Variants in TTLL6 observed in about 807,000 individuals in gnomAD.
TTLL6 encodes the protein tubulin polyglutamylase TTLL6.
In TTLL6, 75 loss-of-function variants were observed where a neutral mutation model predicts 96.4. That is an observed-to-expected ratio of 0.78 (90% confidence interval 0.65 to 0.94). The LOEUF is 0.94. TTLL6 is among the 40% of genes least tolerant of loss of function. TTLL6 has a pLI of 0.00. For synonymous variants in TTLL6, 411 were observed against 419.4 expected (o/e 0.98, Z 0.24); for missense variants, 1,030 against 1,093.0 (o/e 0.94, Z 0.81).
At chr17:48,802,021 G>A (rs1488634710) in intron 3 of TTLL6, among the ~76,000 whole-genome samples, 1 of 148,618 alleles carries the variant, frequency 6.7e-6, no homozygotes, top group Non-Finnish European at 1.5e-5. Flanking sequence ...CTTGAGCCTG[G>A]GCAACAGGAG....
intron 1 of TTLL6, among the ~76,000 whole-genome samples, chr17:48,810,835 A>AG (rs879475800): frequency 0.016 from 1,776 of 112,314 alleles, 72 homozygotes; most frequent in East Asian, 0.12. Context: ...GTATATATAT[A>AG]TATATATATA....
chr17:48,795,329 G>C (rs543803915), intron 8 of TTLL6, among the ~76,000 whole-genome samples: 1 of 73,416 alleles, frequency 1.4e-5, no homozygotes, highest in Non-Finnish European at 3.0e-5. Flanking sequence ...AGTCTCAAAA[G>C]AAAAAAAAAA....
intron 8 of TTLL6, 107 bp downstream of exon 8, chr17:48,795,954 A>T: frequency 1.2e-6 from 1 of 865,538 alleles, no homozygotes. Flanking sequence ...AGACCATGTG[A>T]CCCAAGATGG....
At chr17:48,803,495 CA>C (rs34003967) in intron 3 of TTLL6, among the ~76,000 whole-genome samples, 93 of 137,614 alleles carry the variant, frequency 6.8e-4, no homozygotes, top group African/African-American at 1.4e-3. Context: ...AAAAAAAAAA[CA>C]AAAAAAAAAA....
At chr17:48,806,580 T>G (rs750839747) in intron 1 of TTLL6, among the ~76,000 whole-genome samples, 47 of 151,938 alleles carry the variant, frequency 3.1e-4, no homozygotes, top group Non-Finnish European at 5.0e-4. Flanking sequence ...TTCTTTGGAT[T>G]TAAAAAAAGA....
chr17:48,791,654 C>T lies in TTLL6; in HGVS notation c.999-51G>A, dbSNP rs755063969. The T allele has an allele frequency of 6.1e-6, 9 of 1,481,632 alleles. No individual in the cohort carries two copies. In the Admixed American group the frequency reaches 1.5e-4, roughly 25 times the overall value. 91.8% of individuals were successfully genotyped at this position (1,481,632 alleles called of 1,614,324 possible). ...GCAGTGTAGCTGGCTTCTGGTCACCCGAGGCCATGGCATGCTGGAAACCAG... is the reference window on the plus strand; with the variant it reads ...GCAGTGTAGCTGGCTTCTGGTCACCTGAGGCCATGGCATGCTGGAAACCAG... On this transcript the variant is annotated intron_variant, in intron 8 of 15. Transcript: ENST00000393382.
chr17:48,769,874 C>G lies in TTLL6; in HGVS notation c.2264G>C (p.Ser755Thr). ...LPTKSKSFWE[S>T]PNTNWTLLKS... ...TAGCAAAGTCCAGTTTGTGTTCGGA[C>G]TCTCCCAGAAGCTCTTGGATTTTGT... is the stretch of plus-strand genomic sequence containing the variant. Residue 755 changes from serine to threonine, a missense_variant, in exon 14 of 16, where the codon AGT becomes ACT. Transcript: ENST00000393382. 1 of 1,614,240 alleles carries G rather than the reference C, an allele frequency of 6.2e-7. No individual in the cohort carries two copies. Among genetic ancestry groups the G allele is most frequent in the Non-Finnish European group, 8.5e-7 (1 of 1,180,048 alleles).
intron 13 of TTLL6, among the ~76,000 whole-genome samples, chr17:48,775,455 G>GA (rs2038850491): frequency 6.6e-6 from 1 of 151,144 alleles, no homozygotes; most frequent in Non-Finnish European, 1.5e-5. Context: ...GCAGTCTAAA[G>GA]AAAAAAATCC....
intron 13 of TTLL6, among the ~76,000 whole-genome samples, chr17:48,774,915 T>G (rs1251307182): frequency 6.6e-6 from 1 of 152,084 alleles, no homozygotes; most frequent in East Asian, 1.9e-4. Context: ...GATGGATCAC[T>G]TGAGGTCAGG....
chr17:48,784,020 G>C (rs1018458407), intron 13 of TTLL6, among the ~76,000 whole-genome samples: 5 of 152,148 alleles, frequency 3.3e-5, no homozygotes, highest in Admixed American at 2.0e-4. Flanking sequence ...TATTTGGAGA[G>C]AGGGTCTTTG....
rs756522459 is a variant in TTLL6, at chr17:48,786,311, T to C, written c.1614A>G (p.Leu538=). The change falls in exon 12 of 16, where the codon CTA becomes CTG. Residue 538 remains leucine (L), a synonymous_variant. Coordinates refer to ENST00000393382, the MANE Select transcript of TTLL6 (RefSeq NM_001130918.3). The part of the protein sequence containing the change: ...YARQLIQELR[L]KREKKPFQMK... ...TTTGGAAGGGCTTTTTCTCCCGTTT[T>C]AGTCTCAGCTCCTGGATCAGTTGCC... The C allele has an allele frequency of 6.2e-7, 1 of 1,614,240 alleles. No individual in the cohort carries two copies. Among genetic ancestry groups the C allele is most frequent in the South Asian group, 1.1e-5 (1 of 91,076 alleles).
chr17:48,772,342 A>T (rs936559881), intron 13 of TTLL6, among the ~76,000 whole-genome samples: 1 of 152,044 alleles, frequency 6.6e-6, no homozygotes, highest in African/African-American at 2.4e-5. Context: ...ATAATAGATA[A>T]ATAAAAATAA....
At chr17:48,789,093 G>A (rs943473355) in intron 10 of TTLL6, among the ~76,000 whole-genome samples, 2 of 149,272 alleles carry the variant, frequency 1.3e-5, no homozygotes, top group Admixed American at 6.7e-5. Context: ...CATGGAGAAG[G>A]ACAGACACAT....
At chr17:48,766,185 G>C (rs2143158676) in intron 15 of TTLL6, among the ~76,000 whole-genome samples, 1 of 152,282 alleles carries the variant, frequency 6.6e-6, no homozygotes, top group South Asian at 2.1e-4. Flanking sequence ...GTGTACACAG[G>C]GATGTACCTG....
At chr17:48,775,415 A>G (rs1277283599) in intron 13 of TTLL6, among the ~76,000 whole-genome samples, 3 of 151,880 alleles carry the variant, frequency 2.0e-5, no homozygotes, top group African/African-American at 7.2e-5. Context: ...TTCAATATTG[A>G]AAAATCAATC....
At chr17:48,791,335 A>G (rs1398757726) in intron 9 of TTLL6, 43 bp downstream of exon 9, 3 of 1,563,954 alleles carry the variant, frequency 1.9e-6, no homozygotes, top group Non-Finnish European at 2.6e-6. Flanking sequence ...GGCTGGCCCC[A>G]ATAACAGGAG....
intron 1 of TTLL6, among the ~76,000 whole-genome samples, chr17:48,813,828 C>G (rs1465786695): frequency 6.6e-6 from 1 of 152,096 alleles, no homozygotes; most frequent in African/African-American, 2.4e-5. Context: ...AATGTTAGAG[C>G]TGGGAGGAAT....
At chr17:48,766,585 T>C (rs771435171) in intron 15 of TTLL6, among the ~76,000 whole-genome samples, 1 of 152,176 alleles carries the variant, frequency 6.6e-6, no homozygotes. Context: ...AGAAACAGAC[T>C]GGGTGTGGTG....
chr17:48,796,949 G>A lies in TTLL6; in HGVS notation c.912+112C>T, dbSNP rs913412777. On this transcript the variant is annotated intron_variant, in intron 7 of 15. Coordinates refer to ENST00000393382, the MANE Select transcript of TTLL6 (RefSeq NM_001130918.3). ...CTAAATGAAACCCGGCACATAGCAA[G>A]TGCTCAACAAATGACACTCACAATG... is the stretch of plus-strand genomic sequence containing the variant. 4 of 1,255,036 alleles carry A rather than the reference G, an allele frequency of 3.2e-6. No individual in the cohort carries two copies. The African/African-American group carries it at 4.5e-5, about 14-fold the overall frequency. The allele number at this position is 1,255,036 out of a possible 1,614,324, so 77.7% of individuals were successfully genotyped here.
Sources: gnomAD v4.1 joint callset for allele counts (sites outside exome capture counted in the v4.1 genomes callset) on GRCh38, gnomAD v4.1.1 for gene constraint, MANE v1.5 for transcripts, NCBI Gene and HGNC (gene_info 2026-07-23, HGNC 2026-07-21) for gene names.